TBC1D16: variants seen among roughly 807,000 people sequenced by gnomAD.
TBC1D16 encodes TBC1 domain family member 16.
TBC1D16 carries 58 observed loss-of-function variants against 74.7 expected under a neutral mutation model. That is an observed-to-expected ratio of 0.78 (90% CI 0.63 to 0.97). TBC1D16 has a LOEUF of 0.97. TBC1D16 is among the 50% of genes least tolerant of loss of function. The pLI is 0.00. For synonymous variants in TBC1D16, 493 were observed against 474.7 expected (o/e 1.04, Z -0.50); for missense variants, 1,014 against 1,079.5 (o/e 0.94, Z 0.85).
At chr17:79,964,657 A>G (rs1054737625) in intron 3 of TBC1D16, among the ~76,000 whole-genome samples, 1 of 152,236 alleles carries the variant, frequency 6.6e-6, no homozygotes, top group African/African-American at 2.4e-5. Context: ...GTACAGTTAT[A>G]CTTCAATAAA....
chr17:80,024,608 C>CACACACCACACACCATAGACAT (rs2036471287), intron 1 of TBC1D16, among the ~76,000 whole-genome samples: 1 of 107,548 alleles, frequency 9.3e-6, no homozygotes, highest in East Asian at 2.7e-4. Context: ...ACCATAGACA[C>CACACACCACACACCATAGACAT]ACACACCACA....
At position 79,933,577 on chromosome 17, in the gene TBC1D16, TTTGA is replaced by T. The variant is rs2031393128; in HGVS notation, c.*7278_*7281del. The T allele has an allele frequency of 2.6e-5, 4 of 151,930 alleles. No homozygotes were observed. Among genetic ancestry groups the T allele is most frequent in the Non-Finnish European group, 5.9e-5 (4 of 68,006 alleles). 9.4% of individuals were successfully genotyped at this position (151,930 alleles called of 1,614,324 possible). The stretch of plus-strand genomic sequence containing the variant: ...TATGGGGGATCACAATGGGTTTCAG[TTTGA>T]TTGAGAGAAAATAAGGTAAGGGACA... On this transcript the variant is annotated 3_prime_UTR_variant, in exon 12 of 12. Transcript: ENST00000310924.
intron 2 of TBC1D16, among the ~76,000 whole-genome samples, chr17:80,012,942 C>G (rs1237008116): frequency 6.6e-6 from 1 of 152,140 alleles, no homozygotes; most frequent in Non-Finnish European, 1.5e-5. Context: ...ACTGTGCAGC[C>G]GAGAGTCGCT....
intron 1 of TBC1D16, among the ~76,000 whole-genome samples, chr17:80,032,737 A>G (rs936628520): frequency 6.6e-6 from 1 of 152,192 alleles, no homozygotes; most frequent in African/African-American, 2.4e-5. Flanking sequence ...TGCAAATGCA[A>G]TACAAATGGT....
At chr17:80,034,014 G>A (rs1366503218) in intron 1 of TBC1D16, among the ~76,000 whole-genome samples, 1 of 152,174 alleles carries the variant, frequency 6.6e-6, no homozygotes, top group African/African-American at 2.4e-5. Flanking sequence ...CTAACTGCAT[G>A]AGCTTGGGAA....
At chr17:80,028,015 T>C (rs1433250396) in intron 1 of TBC1D16, among the ~76,000 whole-genome samples, 3 of 151,792 alleles carry the variant, frequency 2.0e-5, no homozygotes, top group African/African-American at 7.3e-5. Context: ...TCCTTGTTGG[T>C]TTGTGTTTTC....
At position 79,944,646 on chromosome 17, in the gene TBC1D16, T is replaced by C. The variant is rs540288335; in HGVS notation, c.1908+262A>G. On this transcript the variant is annotated intron_variant, in intron 10 of 11. Transcript: ENST00000310924. This position sits in a 1 kb window ranked among gnomAD's most constrained non-coding sequence, Gnocchi z 7.7. ...CCACAGTGTCACTCACACTGATTGG[T>C]TGTGACAGGAGGGAGCTCAGCCCCA... Among the ~76,000 whole-genome samples the C allele has an allele frequency of 1.6e-4, 25 of 152,220 alleles. No individual in the cohort carries two copies. Among genetic ancestry groups the C allele is most frequent in the Non-Finnish European group, 3.1e-4 (21 of 68,014 alleles).
At position 80,010,503 on chromosome 17, in the gene TBC1D16, G is replaced by T; in HGVS notation, c.436C>A (p.Gln146Lys). The change falls in exon 3 of 12, where the codon CAG becomes AAG. Residue 146 changes from glutamine (Q) to lysine (K), a missense_variant. Gln to Lys is a moderately conservative substitution (Grantham distance 53). Transcript: ENST00000310924. This position sits in a 1 kb window ranked among gnomAD's most constrained non-coding sequence, Gnocchi z 8.8. The stretch of plus-strand genomic sequence containing the variant: ...GCGAGCATGCGGTCTGGAACACTCT[G>T]GGCCACCACCAGGATGTCCTCATCT... ...PKDEDILVVA[Q>K]SVPDRMLASP... The T allele has an allele frequency of 6.2e-7, 1 of 1,611,046 alleles. No homozygotes were observed. The highest frequency in any genetic ancestry group is 8.5e-7 in the Non-Finnish European group (1 of 1,178,894).
chr17:79,966,868 C>T (rs190520619), intron 3 of TBC1D16, among the ~76,000 whole-genome samples: 1 of 152,188 alleles, frequency 6.6e-6, no homozygotes, highest in East Asian at 1.9e-4. Context: ...TGACCAAGTG[C>T]GGTTTATCTC....
At chr17:80,017,270 T>C (rs1332956254) in intron 1 of TBC1D16, among the ~76,000 whole-genome samples, 1 of 152,126 alleles carries the variant, frequency 6.6e-6, no homozygotes, top group Non-Finnish European at 1.5e-5. Context: ...CCACAGACAG[T>C]AAATGATGGG....
At chr17:79,982,589 A>C (rs1209501237) in intron 3 of TBC1D16, among the ~76,000 whole-genome samples, 1 of 151,364 alleles carries the variant, frequency 6.6e-6, no homozygotes, top group Non-Finnish European at 1.5e-5. Context: ...GTGGTGGCTC[A>C]GGCCTGTAAT....
rs183956830 is a variant in TBC1D16 at position 79,981,186 on chromosome 17, C to T, written c.780-28368G>A. 4.6e-5 allele frequency among the ~76,000 whole-genome samples: 7 copies of T among 152,350 alleles called. No homozygotes were observed. The highest frequency in any genetic ancestry group is 2.1e-4 in the South Asian group (1 of 4,828). On this transcript the variant is annotated intron_variant, in intron 3 of 11. Coordinates refer to ENST00000310924, the MANE Select transcript of TBC1D16 (RefSeq NM_019020.4). This position sits in a 1 kb window ranked among gnomAD's most constrained non-coding sequence, Gnocchi z 6.9. ...CCTCGCTCCCTCCTTAATCTCCACT[C>T]GGCTTTTCCCATCCCCTGGGCCTAG...
At chr17:79,947,938 CACCT>C in intron 8 of TBC1D16, 107 bp from the exon 9 acceptor site, 19 of 907,766 alleles carry the variant, frequency 2.1e-5, no homozygotes, top group Non-Finnish European at 3.0e-5. Context: ...CGCTTGCCTT[CACCT>C]CAGTGGAAGG....
At chr17:79,972,526 T>C (rs2144121396) in intron 3 of TBC1D16, among the ~76,000 whole-genome samples, 1 of 152,248 alleles carries the variant, frequency 6.6e-6, no homozygotes, top group South Asian at 2.1e-4. Flanking sequence ...GAATGACACC[T>C]GACGTTACGC....
intron 1 of TBC1D16, among the ~76,000 whole-genome samples, chr17:80,018,087 T>G (rs1007210184): frequency 1.3e-5 from 2 of 151,148 alleles, no homozygotes; most frequent in South Asian, 4.2e-4. Flanking sequence ...TAATAAGCCC[T>G]GCAAGAAAAT....
intron 3 of TBC1D16, among the ~76,000 whole-genome samples, chr17:79,974,911 G>C (rs971123076): frequency 2.0e-5 from 3 of 152,182 alleles, no homozygotes; most frequent in African/African-American, 7.2e-5. Context: ...CTTGCTTTCA[G>C]AGTGACTTTG....
At position 80,010,075 on chromosome 17, in the gene TBC1D16, T is replaced by A; in HGVS notation, c.779+85A>T. The A allele has an allele frequency of 8.6e-7, 1 of 1,160,972 alleles. No homozygotes were observed. The highest frequency in any genetic ancestry group is 1.6e-5 in the South Asian group (1 of 63,764). 71.9% of individuals were successfully genotyped at this position (1,160,972 alleles called of 1,614,324 possible). A position where few individuals can be genotyped will look rare whatever the true frequency, so the allele number is the denominator to read the frequency against. On this transcript the variant is annotated intron_variant, in intron 3 of 11. Coordinates refer to ENST00000310924, the MANE Select transcript of TBC1D16 (RefSeq NM_019020.4). The surrounding 1 kb of genome is among the most constrained non-coding windows in gnomAD (Gnocchi z 8.8). Reference sequence around the variant, plus strand: ...AGATGCCTCCAGCGCTCACCTGGCATCACAGGTGACGCAGGTGAGTGCTTC... The same window carrying A: ...AGATGCCTCCAGCGCTCACCTGGCAACACAGGTGACGCAGGTGAGTGCTTC...
intron 3 of TBC1D16, among the ~76,000 whole-genome samples, chr17:79,962,135 T>C (rs953689890): frequency 1.4e-4 from 22 of 151,944 alleles, no homozygotes; most frequent in African/African-American, 5.1e-4. Flanking sequence ...GATGCAACTT[T>C]TTTCCTTTTT....
In TBC1D16 at chr17:79,941,060, G is replaced by A. The variant is rs2031932294; in HGVS notation, c.2103C>T (p.Cys701=). The stretch of plus-strand genomic sequence containing the variant: ...ACAGCTTACACAGATCGTGCAGGCT[G>A]CAGGGGATCCGGGGCAGGAGGCGGA... The part of the protein sequence containing the change: ...YQFRLLPRIP[C]SLHDLCKLCG... Residue 701 remains cysteine, a synonymous_variant, in exon 12 of 12, where the codon TGC becomes TGT. Coordinates refer to ENST00000310924, the MANE Select transcript of TBC1D16 (RefSeq NM_019020.4). This position sits in a 1 kb window ranked among gnomAD's most constrained non-coding sequence, Gnocchi z 4.3. 6.3e-7 allele frequency: 1 copy of A among 1,597,716 alleles called. No homozygotes were observed. Among genetic ancestry groups the A allele is most frequent in the Non-Finnish European group, 8.5e-7 (1 of 1,172,122 alleles).
Sources: gnomAD v4.1 joint callset for allele counts (sites outside exome capture counted in the v4.1 genomes callset) on GRCh38, gnomAD v4.1.1 for gene constraint, Gnocchi (gnomAD v3.1) non-coding constraint, MANE v1.5 for transcripts, NCBI Gene and HGNC (gene_info 2026-07-23, HGNC 2026-07-21) for gene names.